Variants in GORASP1 observed in about 807,000 individuals in gnomAD.
GORASP1 encodes the protein Golgi reassembly-stacking protein 1.
Under a neutral mutation model 37.7 loss-of-function variants are expected in GORASP1, and 31 were observed. The ratio of observed to expected loss-of-function variants is 0.82; its 90% CI spans 0.62 to 1.11. The LOEUF (loss-of-function observed/expected upper bound fraction) is 1.11, where lower values mean the gene tolerates loss of function less well. Ranked by LOEUF, GORASP1 falls within the 50% of genes least tolerant of loss-of-function variation. The pLI is 0.00. For missense variants in GORASP1, 476 were observed against 560.7 expected, an observed-to-expected ratio of 0.85 and a Z score of 1.53; for synonymous variants, 204 against 224.8, an observed-to-expected ratio of 0.91 and a Z score of 0.83.
rs1045451073 is a variant in GORASP1 at position 39,098,293 on chromosome 3, A to T, written c.1266T>A (p.Asp422Glu). ...EEEPASTEGL[D>E]TGTEAEGLDS... ...CCAGCCCCTCAGCCTCCGTCCCAGT[A>T]TCTAGGCCCTCTGTGCTTGCTGGTT... The change falls in exon 9 of 9, where the codon GAT (aspartate) becomes GAA (glutamate). Residue 422 changes from aspartate to glutamate, a missense_variant. Coordinates refer to ENST00000319283, the MANE Select transcript of GORASP1 (RefSeq NM_031899.4). The surrounding 1 kb of genome is among the most constrained non-coding windows in gnomAD (Gnocchi z 4.7). The T allele has an allele frequency of 6.8e-6, 11 of 1,614,132 alleles. No individual in the cohort carries two copies. The highest frequency in any genetic ancestry group is 1.7e-5 in the Admixed American group (1 of 60,026).
chr3:39,099,202 C>T lies in GORASP1; in HGVS notation c.916+151G>A, dbSNP rs1450402053. 7 of 950,930 alleles carry T rather than the reference C, an allele frequency of 7.4e-6. No homozygotes were observed. In the African/African-American group the frequency reaches 1.1e-4, roughly 15 times the overall value. The allele number at this position is 950,930 out of a possible 1,614,324, so 58.9% of individuals were successfully genotyped here. On this transcript the variant is annotated intron_variant, in intron 7 of 8. Transcript: ENST00000319283. ...CTTCTCTGGACTACAGACTCCCCAT[C>T]TGTATACTAGATTGGATGATATGCA...
In GORASP1 at chr3:39,103,372, A is replaced by G; in HGVS notation, c.144+101T>C. On this transcript the variant is annotated intron_variant, in intron 2 of 8. Coordinates refer to ENST00000319283, the MANE Select transcript of GORASP1 (RefSeq NM_031899.4). The surrounding 1 kb of genome is among the most constrained non-coding windows in gnomAD (Gnocchi z 5.2). Reference sequence around the variant, plus strand: ...GAGACAGGGCTGGGACTCCCTTTAGAAAAAAAGGGAGGGAAGGGTAGACTG... The same window carrying G: ...GAGACAGGGCTGGGACTCCCTTTAGGAAAAAAGGGAGGGAAGGGTAGACTG... 1.2e-6 allele frequency: 1 copy of G among 862,098 alleles called. No individual in the cohort carries two copies. The highest frequency in any genetic ancestry group is 1.8e-6 in the Non-Finnish European group (1 of 544,260). 53.4% of individuals were successfully genotyped at this position (862,098 alleles called of 1,614,324 possible). A position where few individuals can be genotyped will look rare whatever the true frequency, so the allele number is the denominator to read the frequency against.
rs1418167852 is a variant in GORASP1, at chr3:39,103,309, G to GC, written c.144+163dup. Reference sequence around the variant, plus strand: ...GCTCAGAAGCTGAGCACTGGGCAGGGCCCCAGTCAGGCTCTGAGTACAGCC... The same window carrying GC: ...GCTCAGAAGCTGAGCACTGGGCAGGGCCCCCAGTCAGGCTCTGAGTACAGCC... On this transcript the variant is annotated intron_variant, in intron 2 of 8. Transcript: ENST00000319283. This position sits in a 1 kb window ranked among gnomAD's most constrained non-coding sequence, Gnocchi z 5.2. The GC allele has an allele frequency of 4.9e-6, 3 of 607,074 alleles. No homozygotes were observed. The highest frequency in any genetic ancestry group is 8.7e-6 in the Non-Finnish European group (3 of 343,838). The allele number at this position is 607,074 out of a possible 1,614,324, so 37.6% of individuals were successfully genotyped here. A position where few individuals can be genotyped will look rare whatever the true frequency, so the allele number is the denominator to read the frequency against.
Position 39,107,572 on chromosome 3 carries a change from G to T in GORASP1, c.-31C>A, listed in dbSNP as rs978995698. ...CGGCTCCGCTCGGCACCCAGGTCCA[G>T]TCCCGCTGCGCCTACCCGGACCGAC... is the stretch of plus-strand genomic sequence containing the variant. On this transcript the variant is annotated 5_prime_UTR_variant, in exon 1 of 9. The change creates a new upstream start codon in the 5' untranslated region. Transcript: ENST00000319283. The T allele has an allele frequency of 3.4e-6, 5 of 1,486,160 alleles. No individual in the cohort carries two copies. The East Asian group carries it at 1.2e-4, about 37-fold the overall frequency. The allele number at this position is 1,486,160 out of a possible 1,614,324, so 92.1% of individuals were successfully genotyped here. A position where few individuals can be genotyped will look rare whatever the true frequency, so the allele number is the denominator to read the frequency against.
Position 39,101,067 on chromosome 3 carries a change from G to T in GORASP1, c.384C>A (p.Gly128=), listed in dbSNP as rs771360736. The T allele has an allele frequency of 1.2e-6, 2 of 1,614,150 alleles. No individual in the cohort carries two copies. The highest frequency in any genetic ancestry group is 1.7e-6 in the Non-Finnish European group (2 of 1,179,986). ...CCACATAGTCTGTGTAGGGGCGCAGGCCGGCAAGGGCAGCAGGTGAAGATG... is the reference window on the plus strand; with the variant it reads ...CCACATAGTCTGTGTAGGGGCGCAGTCCGGCAAGGGCAGCAGGTGAAGATG... ...VEPSSPAALA[G]LRPYTDYVVG... is the part of the protein sequence containing the mutation. The change falls in exon 4 of 9, where the codon GGC becomes GGA. Residue 128 remains glycine (G), a synonymous_variant. Coordinates refer to ENST00000319283, the MANE Select transcript of GORASP1 (RefSeq NM_031899.4).
In GORASP1 at chr3:39,107,625, C is replaced by G. The variant is rs776435151; in HGVS notation, c.-84G>C. 1 of 1,358,414 alleles carries G rather than the reference C, an allele frequency of 7.4e-7. No individual in the cohort carries two copies. The highest frequency in any genetic ancestry group is 1.0e-6 in the Non-Finnish European group (1 of 1,003,700). The allele number at this position is 1,358,414 out of a possible 1,614,324, so 84.1% of individuals were successfully genotyped here. On this transcript the variant is annotated 5_prime_UTR_variant, in exon 1 of 9. Coordinates refer to ENST00000319283, the MANE Select transcript of GORASP1 (RefSeq NM_031899.4). ...GACGCCAGTAGCACCGACTCGCTCT[C>G]TCGGCGCTCGATTCCTGCGCCTTGT...
intron 7 of GORASP1, chr3:39,099,104 A>C: frequency 1.3e-6 from 1 of 785,366 alleles, no homozygotes; most frequent in Non-Finnish European, 2.2e-6. Context: ...CATCATGTGA[A>C]TAGCACAGTG....
rs2035423493 is a variant in GORASP1, at chr3:39,097,704, G to C, written c.*532C>G. 6.5e-6 allele frequency: 1 copy of C among 153,384 alleles called. No individual in the cohort carries two copies. The highest frequency in any genetic ancestry group is 1.4e-5 in the Non-Finnish European group (1 of 69,020). The allele number at this position is 153,384 out of a possible 1,614,324, so 9.5% of individuals were successfully genotyped here. A position where few individuals can be genotyped will look rare whatever the true frequency, so the allele number is the denominator to read the frequency against. On this transcript the variant is annotated 3_prime_UTR_variant, in exon 9 of 9. Coordinates refer to ENST00000319283, the MANE Select transcript of GORASP1 (RefSeq NM_031899.4). ...AAATGGGTCTCTGCTGAAGGGCCTA[G>C]AATTTCCAACGCACCTCCCTCCAGG...
intron 1 of GORASP1, among the ~76,000 whole-genome samples, chr3:39,104,930 T>C (rs1439523699): frequency 2.0e-5 from 3 of 152,186 alleles, no homozygotes; most frequent in Non-Finnish European, 1.5e-5. Context: ...AGGACAGTTA[T>C]TCAGGAATAG....
intron 1 of GORASP1, chr3:39,107,198 T>G: frequency 1.9e-6 from 1 of 535,590 alleles, no homozygotes; most frequent in Non-Finnish European, 3.6e-6. Flanking sequence ...AGGAGCGCCA[T>G]TCCCGGCGGC....
rs754949144 is a variant in GORASP1 at position 39,102,687 on chromosome 3, C to T, written c.339G>A (p.Trp113Ter). Residue 113 changes from tryptophan (W) to a stop codon, truncating the protein, a stop_gained, in exon 3 of 9, where the codon TGG becomes TGA. Coordinates refer to ENST00000319283, the MANE Select transcript of GORASP1 (RefSeq NM_031899.4). LOFTEE classifies it high-confidence loss of function. This position sits in a 1 kb window ranked among gnomAD's most constrained non-coding sequence, Gnocchi z 5.0. ...CSFRRASEQV[W>*]HVLDVEPSSP... ...CATACCCCACACTCACCAGCACATGCCACACCTGCTCACTGGCCCTGCGGA... is the reference window on the plus strand; with the variant it reads ...CATACCCCACACTCACCAGCACATGTCACACCTGCTCACTGGCCCTGCGGA... 6.2e-7 allele frequency: 1 copy of T among 1,614,160 alleles called. No homozygotes were observed. The highest frequency in any genetic ancestry group is 2.2e-5 in the East Asian group (1 of 44,868).
chr3:39,099,177 CTT>C lies in GORASP1; in HGVS notation c.916+174_916+175del, dbSNP rs2035536345. ...GTGTGACCTGAAGGAGGCTACCTCT[CTT>C]CTCTGGACTACAGACTCCCCATCTG... On this transcript the variant is annotated intron_variant, in intron 7 of 8. Coordinates refer to ENST00000319283, the MANE Select transcript of GORASP1 (RefSeq NM_031899.4). The C allele has an allele frequency of 3.5e-6, 3 of 855,332 alleles. No homozygotes were observed. The South Asian group carries it at 4.3e-5, about 12-fold the overall frequency. 53.0% of individuals were successfully genotyped at this position (855,332 alleles called of 1,614,324 possible).
In GORASP1 at chr3:39,097,564, T is replaced by C. The variant is rs1229597917; in HGVS notation, c.*672A>G. 1 of 152,250 alleles carries C rather than the reference T, an allele frequency of 6.6e-6. No homozygotes were observed. The highest frequency in any genetic ancestry group is 1.5e-5 in the Non-Finnish European group (1 of 68,098). 9.4% of individuals were successfully genotyped at this position (152,250 alleles called of 1,614,324 possible). On this transcript the variant is annotated 3_prime_UTR_variant, in exon 9 of 9. Coordinates refer to ENST00000319283, the MANE Select transcript of GORASP1 (RefSeq NM_031899.4). ...CACTATTGGGGCTGGGTAGATGCCT[T>C]GTATATTTAGAAGAGATCACTGTTT...
Position 39,098,737 on chromosome 3 carries a change from T to A in GORASP1, c.1069+4A>T. The A allele has an allele frequency of 6.2e-7, 1 of 1,613,510 alleles. No homozygotes were observed. Among genetic ancestry groups the A allele is most frequent in the East Asian group, 2.2e-5 (1 of 44,884 alleles). ...GAGGACTTCGGAAGGTGATGGCCAC[T>A]CACCACCCCGCTCATGAGAACTGCT... On this transcript the variant is annotated splice_donor_region_variant and intron_variant, in intron 8 of 8. Transcript: ENST00000319283. This position sits in a 1 kb window ranked among gnomAD's most constrained non-coding sequence, Gnocchi z 4.7.
At position 39,103,417 on chromosome 3, in the gene GORASP1, T is replaced by C. The variant is rs2035844165; in HGVS notation, c.144+56A>G. 1 of 1,447,964 alleles carries C rather than the reference T, an allele frequency of 6.9e-7. No homozygotes were observed. Among genetic ancestry groups the C allele is most frequent in the Non-Finnish European group, 9.5e-7 (1 of 1,047,844 alleles). 89.7% of individuals were successfully genotyped at this position (1,447,964 alleles called of 1,614,324 possible). ...AGACTGGGGCCCCCTGTGGGACAGA[T>C]GAAGACACACAAACACACATAAGCA... is the stretch of plus-strand genomic sequence containing the variant. On this transcript the variant is annotated intron_variant, in intron 2 of 8. Transcript: ENST00000319283. This position sits in a 1 kb window ranked among gnomAD's most constrained non-coding sequence, Gnocchi z 5.2.
chr3:39,103,401 C>T lies in GORASP1; in HGVS notation c.144+72G>A, dbSNP rs2035842854. 7.9e-7 allele frequency: 1 copy of T among 1,259,874 alleles called. No individual in the cohort carries two copies. Among genetic ancestry groups the T allele is most frequent in the East Asian group, 2.3e-5 (1 of 42,582 alleles). The allele number at this position is 1,259,874 out of a possible 1,614,324, so 78.0% of individuals were successfully genotyped here. On this transcript the variant is annotated intron_variant, in intron 2 of 8. Coordinates refer to ENST00000319283, the MANE Select transcript of GORASP1 (RefSeq NM_031899.4). The surrounding 1 kb of genome is among the most constrained non-coding windows in gnomAD (Gnocchi z 5.2). The stretch of plus-strand genomic sequence containing the variant: ...AAAGGGAGGGAAGGGTAGACTGGGG[C>T]CCCCTGTGGGACAGATGAAGACACA...
In GORASP1 at chr3:39,099,341, C is replaced by T; in HGVS notation, c.916+12G>A. ...GCCTGGGGCCCACTCCTCTCCAGGG[C>T]CTGCCCAGTACCTGGGTCCATAACT... On this transcript the variant is annotated intron_variant, in intron 7 of 8. Transcript: ENST00000319283. The T allele has an allele frequency of 6.2e-7, 1 of 1,612,156 alleles. No homozygotes were observed. Among genetic ancestry groups the T allele is most frequent in the Non-Finnish European group, 8.5e-7 (1 of 1,179,144 alleles).
rs1023929062 is a variant in GORASP1 at position 39,098,464 on chromosome 3, C to T, written c.1095G>A (p.Glu365=). 2.5e-6 allele frequency: 4 copies of T among 1,613,990 alleles called. No homozygotes were observed. In the African/African-American group the frequency reaches 4.0e-5, roughly 16 times the overall value. Residue 365 remains glutamate (E), a synonymous_variant, in exon 9 of 9, where the codon GAG becomes GAA. Coordinates refer to ENST00000319283, the MANE Select transcript of GORASP1 (RefSeq NM_031899.4). The surrounding 1 kb of genome is among the most constrained non-coding windows in gnomAD (Gnocchi z 4.7). Reference sequence around the variant, plus strand: ...GGCTGTCCAGGAAGGAGACCTCAAACTCTGACCCAGACCATGTAGCCTCAC... The same window carrying T: ...GGCTGTCCAGGAAGGAGACCTCAAATTCTGACCCAGACCATGTAGCCTCAC... The part of the protein sequence containing the change: ...RGGEATWSGS[E]FEVSFLDSPG...
At chr3:39,104,038 CAG>C (rs2035885285) in intron 1 of GORASP1, among the ~76,000 whole-genome samples, 1 of 152,206 alleles carries the variant, frequency 6.6e-6, no homozygotes, top group Non-Finnish European at 1.5e-5. Context: ...AAGCAGCTTG[CAG>C]CCAGGTCCCA....
Sources: allele counts gnomAD v4.1 joint callset (sites outside exome capture counted in the v4.1 genomes callset), GRCh38; gene constraint gnomAD v4.1.1; non-coding constraint Gnocchi (gnomAD v3.1); transcripts MANE v1.5; gene names NCBI Gene and HGNC (gene_info 2026-07-23, HGNC 2026-07-21).